Variants in CACNA1C observed in about 807,000 individuals in gnomAD.
The protein encoded by CACNA1C is voltage-dependent L-type calcium channel subunit alpha-1C.
CACNA1C carries 30 observed loss-of-function variants against 229.0 expected under a neutral mutation model. The ratio of observed to expected loss-of-function variants is 0.13; its 90% CI spans 0.10 to 0.18. The LOEUF is 0.18. CACNA1C is among the 10% of genes least tolerant of loss of function. The pLI is 1.00. For synonymous variants in CACNA1C, 1,114 were observed against 1,132.5 expected (o/e 0.98, Z 0.33); for missense variants, 1,658 against 2,845.0 (o/e 0.58, Z 9.49).
At chr12:2,302,297 G>A (rs140116622) in intron 3 of CACNA1C, among the ~76,000 whole-genome samples, 11 of 151,934 alleles carry the variant, frequency 7.2e-5, no homozygotes, top group East Asian at 5.8e-4. Flanking sequence ...AGAGGCTGAC[G>A]TCAGGAACAT....
intron 3 of CACNA1C, among the ~76,000 whole-genome samples, chr12:2,281,797 C>T (rs2091346333): frequency 6.6e-6 from 1 of 151,984 alleles, no homozygotes; most frequent in Non-Finnish European, 1.5e-5. Context: ...ATTCCTTGAG[C>T]TTCTGGAACC....
intron 1 of CACNA1C, among the ~76,000 whole-genome samples, chr12:2,006,441 T>A (rs2043479574): frequency 6.6e-6 from 1 of 152,160 alleles, no homozygotes; most frequent in Non-Finnish European, 1.5e-5. Context: ...ATTAAAAAAA[T>A]AATTTTTAAG....
intron 1 of CACNA1C, among the ~76,000 whole-genome samples, chr12:2,057,685 G>A (rs2055724443): frequency 6.6e-6 from 1 of 152,186 alleles, no homozygotes; most frequent in African/African-American, 2.4e-5. Context: ...TCCCACAGAC[G>A]TCTGTTCCCT....
At chr12:2,150,975 A>C (rs891304432) in intron 3 of CACNA1C, among the ~76,000 whole-genome samples, 3 of 152,140 alleles carry the variant, frequency 2.0e-5, no homozygotes, top group Admixed American at 2.0e-4. Flanking sequence ...TGGGTCCTGC[A>C]TGCTTTCCTT....
rs117932651 is a variant in CACNA1C, at chr12:2,619,065, C to T, written c.3828+7052C>T. On this transcript the variant is annotated intron_variant, in intron 29 of 46. Transcript: ENST00000399655. The stretch of plus-strand genomic sequence containing the variant: ...CTTTATGTCTTCGCTTCATCATCCA[C>T]TGACCCCAGATCCCACCCAGAGAGG... Among the ~76,000 whole-genome samples, 31 of 152,304 alleles carry T rather than the reference C, an allele frequency of 2.0e-4. No individual in the cohort carries two copies. The East Asian group carries it at 5.6e-3, about 28-fold the overall frequency.
chr12:2,211,720 T>C (rs1237862394), intron 3 of CACNA1C, among the ~76,000 whole-genome samples: 1 of 149,280 alleles, frequency 6.7e-6, no homozygotes, highest in Non-Finnish European at 1.5e-5. Flanking sequence ...GCTGCTTTTT[T>C]TTTTTTTTTT....
intron 3 of CACNA1C, among the ~76,000 whole-genome samples, chr12:2,151,801 T>A (rs1412698661): frequency 6.6e-6 from 1 of 152,032 alleles, no homozygotes; most frequent in African/African-American, 2.4e-5. Context: ...AATACATAGG[T>A]CAGTGGACCC....
chr12:2,569,363 GT>G (rs1167099429), intron 13 of CACNA1C, among the ~76,000 whole-genome samples: 5 of 152,064 alleles, frequency 3.3e-5, no homozygotes, highest in Admixed American at 6.5e-5. Flanking sequence ...TAACTTAATT[GT>G]TTTTTTATAT....
intron 1 of CACNA1C, among the ~76,000 whole-genome samples, chr12:2,070,729 T>C (rs1439307283): frequency 6.6e-6 from 1 of 152,224 alleles, no homozygotes; most frequent in Admixed American, 6.5e-5. Context: ...ATTACATAGA[T>C]TAAAATATAT....
In CACNA1C at chr12:2,410,199, C is replaced by G. The variant is rs1459490899; in HGVS notation, c.478-38777C>G. ...AGGGACAGGGTCCTTCCCCGCAGCA[C>G]TGAGGCTTGGCCAGTCGTGATGCCT... On this transcript the variant is annotated intron_variant, in intron 3 of 46. Coordinates refer to ENST00000399655, the MANE Select transcript of CACNA1C (RefSeq NM_000719.7). This position sits in a 1 kb window ranked among gnomAD's most constrained non-coding sequence, Gnocchi z 5.3. Among the ~76,000 whole-genome samples the G allele has an allele frequency of 6.6e-6, 1 of 152,232 alleles. No homozygotes were observed. The highest frequency in any genetic ancestry group is 1.5e-5 in the Non-Finnish European group (1 of 68,036).
rs529377289 is a variant in CACNA1C at position 2,302,968 on chromosome 12, G to A, written c.478-146008G>A. Among the ~76,000 whole-genome samples the A allele has an allele frequency of 3.9e-5, 6 of 152,318 alleles. No homozygotes were observed. The South Asian group carries it at 1.2e-3, about 32-fold the overall frequency. On this transcript the variant is annotated intron_variant, in intron 3 of 46. Coordinates refer to ENST00000399655, the MANE Select transcript of CACNA1C (RefSeq NM_000719.7). ...GGGCTCTTGCGGCCCCGGGAGGGGG[G>A]CCTGGTAAATGCAGAGCCTGCATCA...
intron 2 of CACNA1C, among the ~76,000 whole-genome samples, chr12:2,118,432 A>G (rs759749586): frequency 6.6e-6 from 1 of 152,222 alleles, no homozygotes; most frequent in Non-Finnish European, 1.5e-5. Context: ...AGAACTGCCT[A>G]TGAAGGCTTC....
In CACNA1C at chr12:2,585,433, C is replaced by T. The variant is rs1440491763; in HGVS notation, c.2397C>T (p.Ser799=). Residue 799 remains serine (S), a synonymous_variant, in exon 17 of 47, where the codon TCC becomes TCT. Coordinates refer to ENST00000399655, the MANE Select transcript of CACNA1C (RefSeq NM_000719.7). The surrounding 1 kb of genome is among the most constrained non-coding windows in gnomAD (Gnocchi z 4.1). ...ELVEKPAVGE[S]KEEKIELKSI... is the part of the protein sequence containing the mutation. ...TGGAGAAGCCGGCAGTGGGGGAATCCAAGGAGGAGAAGATTGAGCTGAAAT... is the reference window on the plus strand; with the variant it reads ...TGGAGAAGCCGGCAGTGGGGGAATCTAAGGAGGAGAAGATTGAGCTGAAAT... 18 of 1,606,684 alleles carry T rather than the reference C, an allele frequency of 1.1e-5. 1 individual carries two copies. Among genetic ancestry groups the T allele is most frequent in the Non-Finnish European group, 1.4e-5 (16 of 1,176,248 alleles).
intron 3 of CACNA1C, among the ~76,000 whole-genome samples, chr12:2,388,452 T>C (rs1162739671): frequency 6.6e-6 from 1 of 152,204 alleles, no homozygotes; most frequent in Non-Finnish European, 1.5e-5. Flanking sequence ...CAATTATACC[T>C]TAATAAAGCT....
chr12:2,202,996 C>T (rs2097641935), intron 3 of CACNA1C, among the ~76,000 whole-genome samples: 1 of 152,126 alleles, frequency 6.6e-6, no homozygotes, highest in South Asian at 2.1e-4. Context: ...ATTTGTACAC[C>T]GAAAGTTTTC....
At chr12:2,655,794 A>C (rs1046298834) in intron 34 of CACNA1C, among the ~76,000 whole-genome samples, 1 of 152,240 alleles carries the variant, frequency 6.6e-6, no homozygotes, top group Admixed American at 6.5e-5. Flanking sequence ...CAACATATGC[A>C]CATCAATAAA....
chr12:2,677,015 C>A lies in CACNA1C; in HGVS notation c.4829-79C>A. The A allele has an allele frequency of 8.0e-7, 1 of 1,256,678 alleles. No homozygotes were observed. The highest frequency in any genetic ancestry group is 1.1e-6 in the Non-Finnish European group (1 of 882,556). The allele number at this position is 1,256,678 out of a possible 1,614,324, so 77.8% of individuals were successfully genotyped here. On this transcript the variant is annotated intron_variant, in intron 39 of 46. Coordinates refer to ENST00000399655, the MANE Select transcript of CACNA1C (RefSeq NM_000719.7). The surrounding 1 kb of genome is among the most constrained non-coding windows in gnomAD (Gnocchi z 7.4). ...TTAAAGTTTTAAAAAGTTTTGGATGCTGAAAAAAAAAATGAATGAAGTTCA... is the reference window on the plus strand; with the variant it reads ...TTAAAGTTTTAAAAAGTTTTGGATGATGAAAAAAAAAATGAATGAAGTTCA...
intron 3 of CACNA1C, among the ~76,000 whole-genome samples, chr12:2,174,068 T>C (rs1032615265): frequency 6.6e-6 from 1 of 152,064 alleles, no homozygotes; most frequent in African/African-American, 2.4e-5. Flanking sequence ...ATATGTTTAG[T>C]TGTGGTTAAA....
intron 3 of CACNA1C, among the ~76,000 whole-genome samples, chr12:2,233,162 T>A (rs1297330844): frequency 2.0e-5 from 3 of 152,156 alleles, no homozygotes; most frequent in Admixed American, 2.0e-4. Flanking sequence ...TGATTCACAT[T>A]TTGGTGCTAG....
Sources: allele counts gnomAD v4.1 joint callset (sites outside exome capture counted in the v4.1 genomes callset), GRCh38; gene constraint gnomAD v4.1.1; non-coding constraint Gnocchi (gnomAD v3.1); transcripts MANE v1.5; gene names NCBI Gene and HGNC (gene_info 2026-07-23, HGNC 2026-07-21).